The following ASIC2 variants were observed in gnomAD, a reference collection of about 807,000 sequenced individuals.
ASIC2 encodes the protein acid-sensing ion channel 2.
In ASIC2, 25 loss-of-function variants were observed where a neutral mutation model predicts 57.3. That is an observed-to-expected ratio of 0.44 (90% CI 0.32 to 0.61). ASIC2 has a LOEUF of 0.61. ASIC2 is among the 20% of genes least tolerant of loss of function. ASIC2 has a pLI of 0.06. For synonymous variants in ASIC2, 319 were observed against 307.5 expected, an observed-to-expected ratio of 1.04 and a Z score of -0.39; for missense variants, 641 against 738.1, an observed-to-expected ratio of 0.87 and a Z score of 1.52.
At chr17:33,881,743 G>A (rs1182565761) in intron 1 of ASIC2, among the ~76,000 whole-genome samples, 1 of 140,134 alleles carries the variant, frequency 7.1e-6, no homozygotes, top group African/African-American at 2.7e-5. Flanking sequence ...TTTCTTCACA[G>A]AATTGGAAAA....
chr17:33,152,934 G>C (rs1904858262), intron 1 of ASIC2, among the ~76,000 whole-genome samples: 1 of 152,206 alleles, frequency 6.6e-6, no homozygotes, highest in South Asian at 2.1e-4. Flanking sequence ...TCCGAGGCCG[G>C]AAGGTAATTC....
At chr17:33,156,766 AAAACAAAC>A (rs543977098) in intron 1 of ASIC2, among the ~76,000 whole-genome samples, 4 of 152,106 alleles carry the variant, frequency 2.6e-5, no homozygotes, top group South Asian at 2.1e-4. Flanking sequence ...AAAAAAAACA[AAAACAAAC>A]AAACAAACAA....
At chr17:33,611,686 G>A (rs891094672) in intron 1 of ASIC2, among the ~76,000 whole-genome samples, 5 of 152,240 alleles carry the variant, frequency 3.3e-5, no homozygotes, top group African/African-American at 1.2e-4. Context: ...GATCACAGGG[G>A]TGTGAGAAGT....
intron 1 of ASIC2, among the ~76,000 whole-genome samples, chr17:34,129,271 A>G (rs1462710727): frequency 6.6e-6 from 1 of 152,156 alleles, no homozygotes; most frequent in Non-Finnish European, 1.5e-5. Flanking sequence ...ACTGGCAGAG[A>G]TGACTTTATA....
At chr17:33,268,311 T>G (rs1403188797) in intron 1 of ASIC2, among the ~76,000 whole-genome samples, 3 of 151,984 alleles carry the variant, frequency 2.0e-5, no homozygotes, top group African/African-American at 7.3e-5. Flanking sequence ...CACCCATCAT[T>G]TATCCACCCA....
intron 1 of ASIC2, among the ~76,000 whole-genome samples, chr17:33,617,872 C>T (rs1905657228): frequency 6.6e-6 from 1 of 152,114 alleles, no homozygotes; most frequent in East Asian, 1.9e-4. Context: ...AAATATTTGT[C>T]CCGATTGCTT....
At chr17:33,612,001 G>C (rs575869350) in intron 1 of ASIC2, among the ~76,000 whole-genome samples, 3 of 152,350 alleles carry the variant, frequency 2.0e-5, no homozygotes, top group East Asian at 3.9e-4. Context: ...GACCAGAAGG[G>C]CTGATACAGT....
intron 1 of ASIC2, among the ~76,000 whole-genome samples, chr17:33,505,123 A>G (rs1460936184): frequency 6.6e-6 from 1 of 152,110 alleles, no homozygotes; most frequent in Non-Finnish European, 1.5e-5. Context: ...GAGTTTGGTG[A>G]TAGTGTACAA....
intron 1 of ASIC2, among the ~76,000 whole-genome samples, chr17:33,168,238 G>C (rs1905377478): frequency 6.6e-6 from 1 of 152,188 alleles, no homozygotes; most frequent in Non-Finnish European, 1.5e-5. Flanking sequence ...GCAGTCTGTG[G>C]CATTCTGGTA....
At chr17:33,217,065 T>G (rs1005493006) in intron 1 of ASIC2, among the ~76,000 whole-genome samples, 13 of 152,226 alleles carry the variant, frequency 8.5e-5, no homozygotes, top group South Asian at 6.2e-4. Flanking sequence ...ATTGCTAATT[T>G]ATGTGTTTTT....
At chr17:33,950,330 C>G (rs909594218) in intron 1 of ASIC2, among the ~76,000 whole-genome samples, 3 of 152,216 alleles carry the variant, frequency 2.0e-5, no homozygotes, top group East Asian at 3.9e-4. Context: ...ACAGGAGGAC[C>G]AGGCCTCTTC....
chr17:33,344,048 T>A (rs936800996), intron 1 of ASIC2, among the ~76,000 whole-genome samples: 3 of 152,134 alleles, frequency 2.0e-5, no homozygotes, highest in Non-Finnish European at 2.9e-5. Flanking sequence ...CTGACGTGAG[T>A]CTCAGCTTCA....
chr17:33,470,078 A>T (rs1428036867), intron 1 of ASIC2, among the ~76,000 whole-genome samples: 1 of 152,114 alleles, frequency 6.6e-6, no homozygotes, highest in African/African-American at 2.4e-5. Context: ...AGCTGCAGAG[A>T]CTCAGAGCTG....
intron 1 of ASIC2, among the ~76,000 whole-genome samples, chr17:33,799,439 T>C (rs200249638): frequency 1.4e-4 from 8 of 59,126 alleles, no homozygotes; most frequent in African/African-American, 4.8e-4. Context: ...TCTTTCTTTC[T>C]TTCTTTCTTT....
chr17:33,303,340 G>GT (rs748001054), intron 1 of ASIC2, among the ~76,000 whole-genome samples: 24 of 152,192 alleles, frequency 1.6e-4, no homozygotes, highest in Non-Finnish European at 2.5e-4. Context: ...TGGGAGCTAT[G>GT]TTTTTCCGAG....
chr17:33,638,131 A>G (rs1906431564), intron 1 of ASIC2, among the ~76,000 whole-genome samples: 1 of 152,254 alleles, frequency 6.6e-6, no homozygotes, highest in South Asian at 2.1e-4. Context: ...TGTTATCTAC[A>G]GGAGTAATTG....
At chr17:33,424,749 C>A (rs1238076860) in intron 1 of ASIC2, among the ~76,000 whole-genome samples, 1 of 152,150 alleles carries the variant, frequency 6.6e-6, no homozygotes, top group Admixed American at 6.5e-5. Context: ...TGAATCCCTG[C>A]CCTTACTAGC....
chr17:33,298,460 G>C (rs914992054), intron 1 of ASIC2, among the ~76,000 whole-genome samples: 1 of 152,192 alleles, frequency 6.6e-6, no homozygotes, highest in African/African-American at 2.4e-5. Context: ...GTATTCCATG[G>C]TGTATATGTG....
Position 33,046,336 on chromosome 17 carries a change from G to A in ASIC2, c.988-17944C>T, listed in dbSNP as rs1352658541. On this transcript the variant is annotated intron_variant, in intron 3 of 9. Coordinates refer to ENST00000225823, the MANE Select transcript of ASIC2 (RefSeq NM_183377.2). ...TGGGTGTATTTGAAATGGAAGTTGG[G>A]TCCAGGTTGGAATATTTGCTTAATG... is the stretch of plus-strand genomic sequence containing the variant. 3.9e-5 allele frequency among the ~76,000 whole-genome samples: 6 copies of A among 152,308 alleles called. No individual in the cohort carries two copies. In the East Asian group the frequency reaches 1.2e-3, roughly 29 times the overall value.
Sources: allele counts gnomAD v4.1 joint callset (sites outside exome capture counted in the v4.1 genomes callset), GRCh38; gene constraint gnomAD v4.1.1; transcripts MANE v1.5; gene names NCBI Gene and HGNC (gene_info 2026-07-23, HGNC 2026-07-21).